PAK3: variants seen among roughly 807,000 people sequenced by gnomAD.
PAK3 encodes p21 (RAC1) activated kinase 3.
PAK3 carries 4 observed loss-of-function variants against 41.0 expected under a neutral mutation model. The observed-to-expected ratio is 0.10, with a 90% CI of 0.05 to 0.22. The LOEUF (loss-of-function observed/expected upper bound fraction) is 0.22. Among genes scored for constraint, PAK3 ranks in the 10% least tolerant of loss-of-function variants. PAK3 has a pLI of 1.00. For missense variants in PAK3, 205 were observed against 409.9 expected, an observed-to-expected ratio of 0.50 and a Z score of 4.32; for synonymous variants, 146 against 139.6, an observed-to-expected ratio of 1.05 and a Z score of -0.32.
At chrX:111,184,840 A>C (rs1377667164) in intron 11 of PAK3, among the ~76,000 whole-genome samples, 1 of 111,461 alleles carries the variant, frequency 9.0e-6, no homozygotes, top group East Asian at 2.8e-4. Context: ...TGCTATTGTG[A>C]ATAGTGCTGC....
intron 1 of PAK3, among the ~76,000 whole-genome samples, chrX:111,000,210 T>C (rs934104833): frequency 9.0e-6 from 1 of 111,629 alleles, no homozygotes; most frequent in African/African-American, 3.3e-5. Context: ...GGAATATGGA[T>C]GCCTGTTGGT....
At chrX:111,218,907 C>T (rs998042501) in intron 17 of PAK3, among the ~76,000 whole-genome samples, 22 of 110,681 alleles carry the variant, frequency 2.0e-4, no homozygotes, top group African/African-American at 6.6e-4. Context: ...GATGGCCAGA[C>T]GTGATTGCTA....
intron 16 of PAK3, among the ~76,000 whole-genome samples, chrX:111,208,190 T>TA (rs1191401252): frequency 1.8e-5 from 2 of 112,921 alleles, no homozygotes; most frequent in Non-Finnish European, 3.7e-5. Flanking sequence ...TAAGGATATT[T>TA]AAAAAATATT....
chrX:111,099,557 C>T (rs2093083025), intron 3 of PAK3, among the ~76,000 whole-genome samples: 1 of 109,322 alleles, frequency 9.1e-6, no homozygotes, highest in Non-Finnish European at 1.9e-5. Context: ...GGCCTTGGAA[C>T]CCACATGGTG....
chrX:111,032,171 C>T (rs982611524), intron 1 of PAK3, among the ~76,000 whole-genome samples: 2 of 110,682 alleles, frequency 1.8e-5, no homozygotes, highest in African/African-American at 6.6e-5. Context: ...GGTTAAGAGG[C>T]TCTACACTGC....
At chrX:110,992,701 C>T (rs911747719) in intron 1 of PAK3, among the ~76,000 whole-genome samples, 1 of 111,414 alleles carries the variant, frequency 9.0e-6, no homozygotes, top group African/African-American at 3.3e-5. Context: ...TCGACTAAAA[C>T]CGTCACTGCC....
At chrX:110,952,584 T>C (rs1326739565) in intron 1 of PAK3, among the ~76,000 whole-genome samples, 1 of 110,600 alleles carries the variant, frequency 9.0e-6, no homozygotes, top group African/African-American at 3.3e-5. Context: ...TACCCATCAT[T>C]CACTTTATCT....
chrX:110,967,330 C>A (rs752888781), intron 1 of PAK3, among the ~76,000 whole-genome samples: 9 of 112,398 alleles, frequency 8.0e-5, no homozygotes, highest in Middle Eastern at 9.2e-3. Context: ...GGGGTTAGTG[C>A]TGAGGTGTCA....
At position 111,150,343 on chromosome X, in the gene PAK3, A is replaced by G. The variant is rs59345262; in HGVS notation, c.431-2067A>G. On this transcript the variant is annotated intron_variant, in intron 7 of 17. Transcript: ENST00000372007. ...TTCCAATTGCCTGTTGCCCAGTTACAAAGTCTCTTCCACATTATTGGGTAT... is the reference window on the plus strand; with the variant it reads ...TTCCAATTGCCTGTTGCCCAGTTACGAAGTCTCTTCCACATTATTGGGTAT... 9.6e-3 allele frequency among the ~76,000 whole-genome samples: 1,071 copies of G among 112,137 alleles called. 13 individuals are homozygous for G. Among genetic ancestry groups the G allele is most frequent in the African/African-American group, 0.033 (1,011 of 30,822 alleles).
chrX:111,049,634 T>G (rs2092536375), intron 1 of PAK3, among the ~76,000 whole-genome samples: 2 of 111,881 alleles, frequency 1.8e-5, no homozygotes, highest in African/African-American at 6.5e-5. Context: ...TACAGAAAAT[T>G]TATCCTAAGT....
At chrX:111,129,559 G>A (rs1320169488) in intron 5 of PAK3, among the ~76,000 whole-genome samples, 1 of 111,214 alleles carries the variant, frequency 9.0e-6, no homozygotes, top group Non-Finnish European at 1.9e-5. Flanking sequence ...TGGGAAGAAG[G>A]TGGAATAAGG....
intron 11 of PAK3, among the ~76,000 whole-genome samples, chrX:111,177,950 T>C (rs752843249): frequency 5.4e-5 from 6 of 111,364 alleles, no homozygotes; most frequent in Non-Finnish European, 9.4e-5. Flanking sequence ...AGAAAAATAT[T>C]TTTGAGGAAG....
At chrX:111,068,351 G>A (rs998834873) in intron 1 of PAK3, among the ~76,000 whole-genome samples, 9 of 112,135 alleles carry the variant, frequency 8.0e-5, no homozygotes, top group Non-Finnish European at 1.7e-4. Flanking sequence ...CCAGGCTGGA[G>A]TGCAGTGGTG....
intron 15 of PAK3, 31 bp from the exon 16 acceptor site, chrX:111,196,413 G>C (rs780078690): frequency 2.7e-6 from 3 of 1,131,205 alleles, no homozygotes; most frequent in Non-Finnish European, 3.6e-6. Context: ...AATAATTTGG[G>C]CTTATTTTAA....
intron 1 of PAK3, among the ~76,000 whole-genome samples, chrX:111,012,258 A>G (rs1053193841): frequency 1.8e-5 from 2 of 112,109 alleles, no homozygotes; most frequent in African/African-American, 6.5e-5. Flanking sequence ...CAAAAAGTTT[A>G]TTGTTGATCA....
intron 16 of PAK3, among the ~76,000 whole-genome samples, chrX:111,197,300 C>T: frequency 8.9e-6 from 1 of 112,173 alleles, no homozygotes; most frequent in Non-Finnish European, 1.9e-5. Context: ...TGTATATGTT[C>T]CACATTTTTG....
chrX:111,002,060 G>A (rs996227631), intron 1 of PAK3, among the ~76,000 whole-genome samples: 1 of 111,587 alleles, frequency 9.0e-6, no homozygotes, highest in African/African-American at 3.3e-5. Flanking sequence ...GAAATTAAAA[G>A]GTCTATAGCT....
At chrX:111,035,439 C>A (rs1226436890) in intron 1 of PAK3, among the ~76,000 whole-genome samples, 1 of 111,454 alleles carries the variant, frequency 9.0e-6, no homozygotes, top group Non-Finnish European at 1.9e-5. Flanking sequence ...TGGATTTTTC[C>A]AAACCACCTG....
intron 10 of PAK3, among the ~76,000 whole-genome samples, chrX:111,168,372 T>C (rs983443779): frequency 5.4e-5 from 6 of 112,060 alleles, no homozygotes; most frequent in Non-Finnish European, 7.5e-5. Flanking sequence ...TTTCTCCCTA[T>C]TGTGTCACAG....
Sources: allele counts gnomAD v4.1 joint callset (sites outside exome capture counted in the v4.1 genomes callset), GRCh38; gene constraint gnomAD v4.1.1; transcripts MANE v1.5; gene names NCBI Gene and HGNC (gene_info 2026-07-23, HGNC 2026-07-21).